The following CDKL3 variants were observed in gnomAD, a reference collection of about 807,000 sequenced individuals.
CDKL3 encodes cyclin dependent kinase like 3.
A neutral mutation model predicts 69.3 loss-of-function variants in CDKL3; 65 were observed. That is an observed-to-expected ratio of 0.94 (90% CI 0.77 to 1.15). The LOEUF (loss-of-function observed/expected upper bound fraction) is 1.15, where lower values mean the gene tolerates loss of function less well. CDKL3 is among the 50% of genes most tolerant of loss of function. CDKL3 has a pLI of 0.00. For missense variants in CDKL3, 652 were observed against 689.2 expected (o/e 0.95, Z 0.61); for synonymous variants, 202 against 221.6 (o/e 0.91, Z 0.79).
intron 8 of CDKL3, among the ~76,000 whole-genome samples, chr5:134,287,333 G>A (rs768634864): frequency 6.6e-6 from 1 of 152,096 alleles, no homozygotes; most frequent in Non-Finnish European, 1.5e-5. Context: ...TTAATGGATC[G>A]AATTTTAATT....
chr5:134,326,759 G>A (rs1003407518), intron 4 of CDKL3, among the ~76,000 whole-genome samples: 8 of 146,396 alleles, frequency 5.5e-5, no homozygotes, highest in African/African-American at 2.0e-4. Context: ...TCCTGCCTCA[G>A]AATTATTTTT....
At chr5:134,314,956 T>C (rs1483709931) in intron 6 of CDKL3, among the ~76,000 whole-genome samples, 1 of 152,094 alleles carries the variant, frequency 6.6e-6, no homozygotes, top group Non-Finnish European at 1.5e-5. Flanking sequence ...ACTCTTCAAA[T>C]TGTACATTTT....
At chr5:134,312,155 T>C in intron 7 of CDKL3, 137 bp downstream of exon 7, 1 of 636,714 alleles carries the variant, frequency 1.6e-6, no homozygotes, top group Non-Finnish European at 2.8e-6. Context: ...AGTCAATACC[T>C]GATACAATAA....
intron 7 of CDKL3, among the ~76,000 whole-genome samples, chr5:134,311,071 A>C (rs1769348170): frequency 6.6e-6 from 1 of 152,218 alleles, no homozygotes; most frequent in African/African-American, 2.4e-5. Context: ...TTTTTTTAGA[A>C]ATATGGCTGA....
upstream of CDKL3, chr5:134,371,347 C>A (rs909017238): frequency 1.7e-5 from 10 of 601,984 alleles, no homozygotes; most frequent in African/African-American, 1.3e-4. Context: ...CGCTGAAGGG[C>A]TCGGGGAAGG....
chr5:134,285,894 C>T (rs1764838855), downstream of CDKL3, among the ~76,000 whole-genome samples: 1 of 152,306 alleles, frequency 6.6e-6, no homozygotes, highest in African/African-American at 2.4e-5. Flanking sequence ...GAGGCCAAGG[C>T]ATGTGGATCA....
At chr5:134,301,836 G>A (rs1166968020) in intron 12 of CDKL3, among the ~76,000 whole-genome samples, 5 of 152,082 alleles carry the variant, frequency 3.3e-5, no homozygotes, top group East Asian at 3.9e-4. Context: ...GCAGTGAGCC[G>A]AGATCGCGCC....
chr5:134,289,524 T>A (rs1765029709), intron 8 of CDKL3, among the ~76,000 whole-genome samples: 1 of 152,212 alleles, frequency 6.6e-6, no homozygotes, highest in African/African-American at 2.4e-5. Flanking sequence ...TGAAATGTCC[T>A]GAGACTTTGG....
rs1361963003 is a variant in CDKL3, at chr5:134,308,581, A to C, written c.1028T>G (p.Leu343Trp). 2.5e-6 allele frequency: 4 copies of C among 1,579,274 alleles called. No individual in the cohort carries two copies. The African/African-American group carries it at 4.1e-5, about 16-fold the overall frequency. ...AAAAACCAAAGTTCTTACCTTTCCC[A>C]AAACTGAACTACTTAGCAGTGTATT... ...YTNTLLSSSV[L>W]GKEIEKEKKP... Residue 343 changes from leucine to tryptophan, a missense_variant, in exon 8 of 13, where the codon TTG becomes TGG. Leu to Trp is a moderately conservative substitution (Grantham distance 61). Coordinates refer to ENST00000265334, the MANE Select transcript of CDKL3 (RefSeq NM_001113575.2).
At position 134,302,628 on chromosome 5, in the gene CDKL3, T is replaced by C. The variant is rs755099526; in HGVS notation, c.1681A>G (p.Thr561Ala). 3.1e-6 allele frequency: 5 copies of C among 1,603,362 alleles called. No homozygotes were observed. The highest frequency in any genetic ancestry group is 2.2e-5 in the South Asian group (2 of 89,402). Residue 561 changes from threonine to alanine, a missense_variant, in exon 12 of 13, where the codon ACT (threonine) becomes GCT (alanine). Physicochemically the swap from Thr to Ala is moderately conservative, Grantham distance 58. Transcript: ENST00000265334. Reference protein sequence around the residue: ...SKKTESSKIPTLLNVDQNQEK... With the variant: ...SKKTESSKIPALLNVDQNQEK... ...TGATTTTGATCCACGTTAAGTAAAG[T>C]TGGTATCTTAGATGACTCTGTTTTC...
At chr5:134,333,737 G>C (rs1453096253) in intron 4 of CDKL3, among the ~76,000 whole-genome samples, 3 of 152,150 alleles carry the variant, frequency 2.0e-5, no homozygotes, top group South Asian at 4.1e-4. Context: ...GAGGATTTTT[G>C]CATCAATGTT....
At chr5:134,297,359 T>C (rs1156762261), downstream of CDKL3, among the ~76,000 whole-genome samples, 1 of 152,176 alleles carries the variant, frequency 6.6e-6, no homozygotes, top group Non-Finnish European at 1.5e-5. Context: ...TTAGGGTCCA[T>C]CTTAGTTGAT....
At chr5:134,344,194 T>C (rs1581134237) in intron 4 of CDKL3, among the ~76,000 whole-genome samples, 1 of 152,206 alleles carries the variant, frequency 6.6e-6, no homozygotes, top group Non-Finnish European at 1.5e-5. Context: ...GTTATAACTC[T>C]TAGAAGAAAA....
At chr5:134,367,935 C>T (rs1403141731), upstream of CDKL3, among the ~76,000 whole-genome samples, 1 of 152,250 alleles carries the variant, frequency 6.6e-6, no homozygotes, top group Non-Finnish European at 1.5e-5. Flanking sequence ...CACCATATCA[C>T]TAGACCAAGT....
intron 8 of CDKL3, among the ~76,000 whole-genome samples, chr5:134,290,432 G>A (rs1484344549): frequency 6.6e-6 from 1 of 151,622 alleles, no homozygotes; most frequent in Non-Finnish European, 1.5e-5. Context: ...AGATGCATGA[G>A]GAAAGAGATT....
In CDKL3 at chr5:134,288,398, G is replaced by A. The variant is rs79533584; in HGVS notation, c.*678-1839C>T. Among the ~76,000 whole-genome samples the A allele has an allele frequency of 3.3e-3, 502 of 152,176 alleles. 1 individual carries two copies. Among genetic ancestry groups the A allele is most frequent in the African/African-American group, 0.011 (474 of 41,510 alleles). On this transcript the variant is annotated intron_variant and NMD_transcript_variant, in intron 8 of 8. Transcript: ENST00000519312. ...TAATTTTCTTCCAAACCACAATAGC[G>A]GACACATTATACAGCTCTCTTTTAA...
At chr5:134,304,838 T>A (rs534078244) in intron 10 of CDKL3, among the ~76,000 whole-genome samples, 2,360 of 144,942 alleles carry the variant, frequency 0.016, 20 homozygotes, top group Non-Finnish European at 0.025. Flanking sequence ...AATAATATTA[T>A]TATTATTATT....
intron 12 of CDKL3, among the ~76,000 whole-genome samples, chr5:134,300,809 G>T (rs1419700378): frequency 6.6e-6 from 1 of 151,974 alleles, no homozygotes; most frequent in Non-Finnish European, 1.5e-5. Flanking sequence ...ACTCTCACAG[G>T]ACAATGGGAT....
chr5:134,296,641 T>A (rs1200907765), downstream of CDKL3, among the ~76,000 whole-genome samples: 3 of 152,146 alleles, frequency 2.0e-5, no homozygotes, highest in Non-Finnish European at 2.9e-5. Context: ...AGGTCTATAG[T>A]TGCTTATCAG....
Sources: allele counts gnomAD v4.1 joint callset (sites outside exome capture counted in the v4.1 genomes callset), GRCh38; gene constraint gnomAD v4.1.1; transcripts MANE v1.5; gene names NCBI Gene and HGNC (gene_info 2026-07-23, HGNC 2026-07-21).